POMT2: variants seen among roughly 807,000 people sequenced by gnomAD.
POMT2 encodes protein O-mannosyltransferase 2, also known as protein O-mannosyl-transferase 2.
A neutral mutation model predicts 100.0 loss-of-function variants in POMT2; 75 were observed. That is an observed-to-expected ratio of 0.75 (90% CI 0.62 to 0.91). POMT2 has a LOEUF of 0.91. Among genes scored for constraint, POMT2 ranks in the 40% least tolerant of loss-of-function variants. POMT2 has a pLI of 0.00. For missense variants in POMT2, 940 were observed against 955.1 expected (o/e 0.98, Z 0.21); for synonymous variants, 378 against 374.1 (o/e 1.01, Z -0.12).
intron 18 of POMT2, 189 bp downstream of exon 18, chr14:77,279,634 G>A (rs1198088557): frequency 1.4e-6 from 1 of 704,178 alleles, no homozygotes; most frequent in Non-Finnish European, 2.6e-6. Context: ...TAGTGTTGTT[G>A]GGAGGAAGTA....
At chr14:77,306,637 G>A in intron 2 of POMT2, 196 bp from the exon 3 acceptor site, 1 of 553,816 alleles carries the variant, frequency 1.8e-6, no homozygotes, top group Non-Finnish European at 3.2e-6. Flanking sequence ...CTCACTGCTT[G>A]AAACAAATCC....
At chr14:77,307,354 C>T (rs567020510) in intron 2 of POMT2, among the ~76,000 whole-genome samples, 3 of 152,366 alleles carry the variant, frequency 2.0e-5, no homozygotes, top group African/African-American at 7.2e-5. Context: ...AACCAACCCA[C>T]TTTTTTCTCT....
Position 77,284,990 on chromosome 14 carries a change from G to C in POMT2, c.1536C>G (p.Leu512=). 6.2e-7 allele frequency: 1 copy of C among 1,613,730 alleles called. No individual in the cohort carries two copies. The highest frequency in any genetic ancestry group is 8.5e-7 in the Non-Finnish European group (1 of 1,179,608). ...VTCTPYLKET[L]NSIWNVEDHI... is the part of the protein sequence containing the mutation. ...GGTCCTCCACATTCCAGATGGAGTT[G>C]AGGGTTTCTTTCAGGTATGGGGTGC... The change falls in exon 14 of 21, where the codon CTC becomes CTG. Residue 512 remains leucine, a synonymous_variant. Transcript: ENST00000261534.
At chr14:77,294,440 G>A (rs1233534769) in intron 9 of POMT2, among the ~76,000 whole-genome samples, 1 of 152,224 alleles carries the variant, frequency 6.6e-6, no homozygotes, top group East Asian at 1.9e-4. Context: ...TCCTGCCTCA[G>A]TCTCCTGAGT....
At chr14:77,300,615 T>C in intron 6 of POMT2, 1 of 177,298 alleles carries the variant, frequency 5.6e-6, no homozygotes, top group Non-Finnish European at 1.2e-5. Flanking sequence ...AGGTCAGGGG[T>C]TTGAGAACAA....
rs773914478 is a variant in POMT2 at position 77,304,687 on chromosome 14, C to T, written c.547+5G>A. 6 of 1,578,090 alleles carry T rather than the reference C, an allele frequency of 3.8e-6. No homozygotes were observed. Among genetic ancestry groups the T allele is most frequent in the Non-Finnish European group, 5.2e-6 (6 of 1,162,616 alleles). ...AAAAGCCATGGTATGGCTAAGACAA[C>T]TTACCAAAGGTGAGGAGGGCAGCTG... On this transcript the variant is annotated splice_donor_5th_base_variant and intron_variant, in intron 4 of 20. Transcript: ENST00000261534.
At chr14:77,299,619 CA>C in intron 6 of POMT2, 58 bp from the exon 7 acceptor site, 1 of 1,243,118 alleles carries the variant, frequency 8.0e-7, no homozygotes, top group Non-Finnish European at 1.2e-6. Flanking sequence ...ATTCCTTAGG[CA>C]CTATGCATGC....
chr14:77,292,190 T>C (rs1890666400), intron 9 of POMT2, among the ~76,000 whole-genome samples: 1 of 152,222 alleles, frequency 6.6e-6, no homozygotes, highest in African/African-American at 2.4e-5. Flanking sequence ...GGAAACAGTA[T>C]GACTGTCTAG....
chr14:77,313,277 G>A (rs1222383133), intron 1 of POMT2, among the ~76,000 whole-genome samples: 1 of 152,358 alleles, frequency 6.6e-6, no homozygotes, highest in Non-Finnish European at 1.5e-5. Flanking sequence ...GTGGGTCCAA[G>A]ATAGGCAAAA....
chr14:77,308,454 C>T (rs143185990), intron 2 of POMT2, among the ~76,000 whole-genome samples: 4,299 of 147,118 alleles, frequency 0.029, 216 homozygotes, highest in African/African-American at 0.1. Flanking sequence ...CTCCTGGGTT[C>T]GTGTGATTCT....
chr14:77,280,450 A>G lies in POMT2; in HGVS notation c.1667T>C (p.Leu556Pro), dbSNP rs1890178559. The G allele has an allele frequency of 1.2e-6, 2 of 1,614,040 alleles. No homozygotes were observed. Among genetic ancestry groups the G allele is most frequent in the Non-Finnish European group, 8.5e-7 (1 of 1,180,044 alleles). The stretch of plus-strand genomic sequence containing the variant: ...CGTGAACTCATTGTCCTTGGGTTTG[A>G]GGCCACTGTTCCCCTGCATGAAGGT... ...HMVMIRGNSG[L>P]KPKDNEFTSK... Residue 556 changes from leucine (L) to proline (P), a missense_variant, in exon 16 of 21, where the codon CTC becomes CCC. Physicochemically the swap from Leu to Pro is moderately conservative, Grantham distance 98. Transcript: ENST00000261534.
intron 14 of POMT2, 125 bp downstream of exon 14, chr14:77,284,825 T>C (rs1890360382): frequency 2.4e-6 from 2 of 822,862 alleles, no homozygotes; most frequent in African/African-American, 1.7e-5. Context: ...AAAGAGAGTG[T>C]TAACAAGGAA....
At chr14:77,318,372 C>G (rs1891702646) in intron 1 of POMT2, among the ~76,000 whole-genome samples, 1 of 152,176 alleles carries the variant, frequency 6.6e-6, no homozygotes, top group Admixed American at 6.5e-5. Flanking sequence ...TGGACACGGC[C>G]AGTCTTGAAC....
At chr14:77,301,350 C>T in intron 5 of POMT2, 101 bp from the exon 6 acceptor site, 1 of 1,481,878 alleles carries the variant, frequency 6.7e-7, no homozygotes, top group Non-Finnish European at 9.3e-7. Context: ...AGCGGCTGTG[C>T]TGTGCCCTGT....
chr14:77,286,203 G>A (rs1041579002), intron 12 of POMT2, among the ~76,000 whole-genome samples: 1 of 152,212 alleles, frequency 6.6e-6, no homozygotes, highest in Non-Finnish European at 1.5e-5. Flanking sequence ...GCCAGAATCT[G>A]TATACAGTTT....
At chr14:77,309,758 C>T (rs534973500) in intron 2 of POMT2, among the ~76,000 whole-genome samples, 5 of 152,186 alleles carry the variant, frequency 3.3e-5, no homozygotes, top group Non-Finnish European at 5.9e-5. Flanking sequence ...TCTCAGCTCA[C>T]TGCAACCTCT....
chr14:77,284,009 G>A (rs761225515), intron 14 of POMT2, 136 bp from the exon 15 acceptor site: 2 of 769,620 alleles, frequency 2.6e-6, no homozygotes, highest in African/African-American at 3.4e-5. Flanking sequence ...ACAGAAGAAA[G>A]CTTGGCCCAA....
chr14:77,305,009 C>A (rs1254976760), intron 3 of POMT2, among the ~76,000 whole-genome samples: 1 of 152,190 alleles, frequency 6.6e-6, no homozygotes, highest in Non-Finnish European at 1.5e-5. Context: ...CATTAAGCAG[C>A]AACTTGTGCA....
chr14:77,291,509 C>T, intron 9 of POMT2, 129 bp from the exon 10 acceptor site: 1 of 1,323,760 alleles, frequency 7.6e-7, no homozygotes, highest in Admixed American at 2.0e-5. Context: ...TCCCCAGCCA[C>T]CAACCTGAGG....
Sources: allele counts gnomAD v4.1 joint callset (sites outside exome capture counted in the v4.1 genomes callset), GRCh38; gene constraint gnomAD v4.1.1; transcripts MANE v1.5; gene names NCBI Gene and HGNC (gene_info 2026-07-23, HGNC 2026-07-21).